Variants in CTCFL observed in about 807,000 individuals in gnomAD.
The protein encoded by CTCFL is CCCTC-binding factor like.
In CTCFL, 36 loss-of-function variants were observed where a neutral mutation model predicts 67.4. The observed-to-expected ratio is 0.53, with a 90% CI of 0.41 to 0.71. CTCFL has a LOEUF of 0.71. Ranked by LOEUF, CTCFL falls within the 30% of genes least tolerant of loss-of-function variation. The pLI is 0.00. For missense variants in CTCFL, 786 were observed against 835.2 expected, an observed-to-expected ratio of 0.94 and a Z score of 0.73; for synonymous variants, 324 against 302.3, an observed-to-expected ratio of 1.07 and a Z score of -0.75.
chr20:57,509,447 G>A (rs1255148093), intron 8 of CTCFL, among the ~76,000 whole-genome samples: 1 of 151,944 alleles, frequency 6.6e-6, no homozygotes, highest in Non-Finnish European at 1.5e-5. Flanking sequence ...ATTTTTTGTA[G>A]AGACAGGGTC....
intron 4 of CTCFL, 81 bp from the exon 5 acceptor site, chr20:57,518,972 C>G: frequency 2.0e-6 from 3 of 1,472,172 alleles, no homozygotes; most frequent in Non-Finnish European, 2.7e-6. Flanking sequence ...TTTAATTACA[C>G]TCAGTCTCAA....
intron 10 of CTCFL, among the ~76,000 whole-genome samples, chr20:57,502,926 G>C (rs150085638): frequency 6.6e-6 from 1 of 152,200 alleles, no homozygotes; most frequent in South Asian, 2.1e-4. Context: ...ACAGAAGAGA[G>C]GAGAGAGCTA....
rs2068645259 is a variant in CTCFL at position 57,512,743 on chromosome 20, A to G, written c.1340T>C (p.Met447Thr). ...AGCGCTGTAAGCATGCAAGTTGCGC[A>G]TATGCACACCTAAAATGGTCACAGA... ...IARKSDLRVH[M>T]RNLHAYSAAE... is the part of the protein sequence containing the mutation. The change falls in exon 8 of 11, where the codon ATG becomes ACG. Residue 447 changes from methionine to threonine, a missense_variant. Transcript: ENST00000243914. 1 of 1,614,172 alleles carries G rather than the reference A, an allele frequency of 6.2e-7. No homozygotes were observed. The highest frequency in any genetic ancestry group is 1.7e-5 in the Admixed American group (1 of 60,024).
downstream of CTCFL, among the ~76,000 whole-genome samples, chr20:57,496,960 G>A (rs928850485): frequency 6.6e-6 from 1 of 151,412 alleles, no homozygotes; most frequent in Non-Finnish European, 1.5e-5. Context: ...TGGGTATACG[G>A]TATATCTGGA....
At chr20:57,524,261 G>A in intron 1 of CTCFL, 45 bp from the exon 2 acceptor site, 1 of 1,559,016 alleles carries the variant, frequency 6.4e-7, no homozygotes, top group Non-Finnish European at 8.6e-7. Context: ...GGGAGAAGGG[G>A]GTGGTATGAG....
At chr20:57,514,522 A>G in intron 7 of CTCFL, 70 bp downstream of exon 7, 1 of 1,563,558 alleles carries the variant, frequency 6.4e-7, no homozygotes, top group Non-Finnish European at 8.7e-7. Context: ...AGTACTTTGC[A>G]GGTTTATAGG....
chr20:57,524,253 G>C, intron 1 of CTCFL, 37 bp from the exon 2 acceptor site: 8 of 1,565,082 alleles, frequency 5.1e-6, no homozygotes, highest in Non-Finnish European at 6.9e-6. Context: ...CCATAGGGGG[G>C]AGAAGGGGGT....
intron 9 of CTCFL, among the ~76,000 whole-genome samples, chr20:57,504,003 G>A (rs1331567836): frequency 6.6e-6 from 1 of 152,068 alleles, no homozygotes; most frequent in Non-Finnish European, 1.5e-5. Context: ...CACTCAGGAT[G>A]TTTGGGGCAC....
At chr20:57,496,029 C>G, downstream of CTCFL, 1 of 389,932 alleles carries the variant, frequency 2.6e-6, no homozygotes, top group Non-Finnish European at 4.5e-6. Flanking sequence ...TAGTAAAATA[C>G]ATGATATAGT....
In CTCFL at chr20:57,523,113, C is replaced by G; in HGVS notation, c.709G>C (p.Asp237His). 6.2e-7 allele frequency: 1 copy of G among 1,613,950 alleles called. No individual in the cohort carries two copies. The highest frequency in any genetic ancestry group is 1.7e-5 in the Admixed American group (1 of 60,020). ...QEDQPTAGQA[D>H]AEKAKSTKNQ... ...TTTGTAGATTTGGCCTTTTCAGCAT[C>G]TGCTTGACCAGCTGTAGGTTGATCC... Residue 237 changes from aspartate (D) to histidine (H), a missense_variant, in exon 3 of 11, where the codon GAT becomes CAT. Coordinates refer to ENST00000243914, the MANE Select transcript of CTCFL (RefSeq NM_001386993.1).
In CTCFL at chr20:57,523,294, T is replaced by C; in HGVS notation, c.544-16A>G. On this transcript the variant is annotated splice_polypyrimidine_tract_variant and intron_variant, in intron 2 of 10. Coordinates refer to ENST00000243914, the MANE Select transcript of CTCFL (RefSeq NM_001386993.1). ...CTTCCTCGAGCTAATAAACAACAAA[T>C]ATTCAAATATGATACTATTGATTTC... 6.2e-7 allele frequency: 1 copy of C among 1,602,206 alleles called. No individual in the cohort carries two copies. The highest frequency in any genetic ancestry group is 2.2e-5 in the East Asian group (1 of 44,780).
At chr20:57,503,649 G>T in intron 9 of CTCFL, 48 bp from the exon 10 acceptor site, 1 of 1,582,604 alleles carries the variant, frequency 6.3e-7, no homozygotes, top group South Asian at 1.1e-5. Flanking sequence ...AGATGGGGCA[G>T]GGACCCCTCT....
At chr20:57,499,290 T>C (rs1191291193) in intron 10 of CTCFL, among the ~76,000 whole-genome samples, 1 of 152,172 alleles carries the variant, frequency 6.6e-6, no homozygotes, top group Non-Finnish European at 1.5e-5. Flanking sequence ...CCAATCGACA[T>C]ATACTGAGTA....
chr20:57,517,594 TA>T (rs1312016154), intron 5 of CTCFL, among the ~76,000 whole-genome samples: 1 of 152,022 alleles, frequency 6.6e-6, no homozygotes, highest in Admixed American at 6.6e-5. Context: ...AAAGCTTTTT[TA>T]AAAAAAGGGG....
At chr20:57,522,525 T>C (rs763828884) in intron 3 of CTCFL, among the ~76,000 whole-genome samples, 1 of 152,150 alleles carries the variant, frequency 6.6e-6, no homozygotes, top group Non-Finnish European at 1.5e-5. Flanking sequence ...CCCACCCAGC[T>C]CTACAGACAC....
Position 57,519,246 on chromosome 20 carries a change from T to TA in CTCFL, c.885dup (p.Thr296TyrfsTer10). 1 of 1,614,158 alleles carries TA rather than the reference T, an allele frequency of 6.2e-7. No individual in the cohort carries two copies. The highest frequency in any genetic ancestry group is 8.5e-7 in the Non-Finnish European group (1 of 1,180,034). On this transcript the variant is annotated frameshift_variant, in exon 4 of 11. Transcript: ENST00000243914. LOFTEE classifies it high-confidence loss of function. ...ACATGGTTCCGCAGCAGAGTGACCG[T>TA]ACGGAAGGTTTTCAGGCAGAGGTGA... is the stretch of plus-strand genomic sequence containing the variant.
Position 57,523,179 on chromosome 20 carries a change from T to G in CTCFL, c.643A>C (p.Ile215Leu). Residue 215 changes from isoleucine (I) to leucine (L), a missense_variant, in exon 3 of 11, where the codon ATT (isoleucine) becomes CTT (leucine). Physicochemically the swap from Ile to Leu is conservative, Grantham distance 5. Transcript: ENST00000243914. ...TTTGAATTTGAAACTGTGAGAACAA[T>G]TTCGTCACTTCTTTCATCTCCTGAC... is the stretch of plus-strand genomic sequence containing the variant. ...TMSGDERSDE[I>L]VLTVSNSNVE... 1 of 1,614,064 alleles carries G rather than the reference T, an allele frequency of 6.2e-7. No individual in the cohort carries two copies. The highest frequency in any genetic ancestry group is 8.5e-7 in the Non-Finnish European group (1 of 1,180,018).
intron 9 of CTCFL, chr20:57,507,019 A>T: frequency 1.0e-6 from 1 of 985,534 alleles, no homozygotes; most frequent in Non-Finnish European, 1.2e-6. Context: ...AACTTTTATA[A>T]AACTTTTATA....
chr20:57,503,571 C>T lies in CTCFL; in HGVS notation c.1705G>A (p.Gly569Arg), dbSNP rs766813197. Residue 569 changes from glycine (G) to arginine (R), a missense_variant, in exon 10 of 11, where the codon GGA becomes AGA. Gly to Arg is a moderately radical substitution (Grantham distance 125). This residue lies in a region of CTCFL where 199 missense variants were observed against 196.7 expected (regional missense o/e 1.01). Coordinates refer to ENST00000243914, the MANE Select transcript of CTCFL (RefSeq NM_001386993.1). ...INLHRHSEKC[G>R]SGEAKSAASG... Reference sequence around the variant, plus strand: ...GCAGCCGACTTTGCTTCCCCTGATCCACACTTCTCCGAATGTCTGTGCAGG... The same window carrying T: ...GCAGCCGACTTTGCTTCCCCTGATCTACACTTCTCCGAATGTCTGTGCAGG... 4 of 1,613,922 alleles carry T rather than the reference C, an allele frequency of 2.5e-6. No individual in the cohort carries two copies. Among genetic ancestry groups the T allele is most frequent in the Non-Finnish European group, 3.4e-6 (4 of 1,179,974 alleles).
Sources: gnomAD v4.1 joint callset for allele counts (sites outside exome capture counted in the v4.1 genomes callset) on GRCh38, gnomAD v4.1.1 for gene constraint, gnomAD v4.1.1 regional missense constraint, MANE v1.5 for transcripts, NCBI Gene and HGNC (gene_info 2026-07-23, HGNC 2026-07-21) for gene names.